LOC128706666: variants seen among roughly 807,000 people sequenced by gnomAD.
At chr20:10,419,486 C>A in the LOC128706666 span, among the ~76,000 whole-genome samples, 1 of 152,066 alleles carries the variant, frequency 6.6e-6, no homozygotes, top group African/African-American at 2.4e-5. Context: ...AGTGACCTCC[C>A]CCATTTATCT....
At chr20:10,419,505 T>C in the LOC128706666 span, among the ~76,000 whole-genome samples, 5 of 152,308 alleles carry the variant, frequency 3.3e-5, no homozygotes, top group African/African-American at 1.2e-4. Context: ...CTATGAGGGA[T>C]ATGTTCCAAG....
At chr20:10,415,099 TA>T in the LOC128706666 span, among the ~76,000 whole-genome samples, 22 of 152,028 alleles carry the variant, frequency 1.4e-4, no homozygotes, top group South Asian at 8.3e-4. Flanking sequence ...GTGTCCTTGC[TA>T]AAAAAAAGTG....
At chr20:10,421,748 C>G in the LOC128706666 span, among the ~76,000 whole-genome samples, 1 of 151,720 alleles carries the variant, frequency 6.6e-6, no homozygotes, top group African/African-American at 2.4e-5. Flanking sequence ...AGACAGTTGC[C>G]TGGAGTTACA....
the LOC128706666 span, among the ~76,000 whole-genome samples, chr20:10,426,701 A>T: frequency 6.6e-6 from 1 of 152,252 alleles, no homozygotes; most frequent in Non-Finnish European, 1.5e-5. Context: ...GCCCCGTGGC[A>T]TGTCCTTGGC....
the LOC128706666 span, among the ~76,000 whole-genome samples, chr20:10,430,350 C>T: frequency 2.6e-5 from 4 of 152,206 alleles, no homozygotes; most frequent in African/African-American, 9.7e-5. Flanking sequence ...GCTTCAGTTC[C>T]ATTGTGTGTA....
the LOC128706666 span, among the ~76,000 whole-genome samples, chr20:10,422,698 A>G: frequency 6.0e-5 from 9 of 150,670 alleles, no homozygotes; most frequent in African/African-American, 2.2e-4. Flanking sequence ...ACATGAGGTT[A>G]TCAAGTTATA....
the LOC128706666 span, among the ~76,000 whole-genome samples, chr20:10,417,864 T>C: frequency 1.6e-4 from 25 of 152,184 alleles, no homozygotes; most frequent in African/African-American, 5.8e-4. Context: ...AAAGAGGAAA[T>C]TGTTAAATGA....
chr20:10,424,286 T>G, the LOC128706666 span, among the ~76,000 whole-genome samples: 1 of 151,968 alleles, frequency 6.6e-6, no homozygotes, highest in African/African-American at 2.4e-5. Context: ...CCAGGCACAG[T>G]GGCTCACACC....
chr20:10,414,776 A>G, the LOC128706666 span, among the ~76,000 whole-genome samples: 5 of 152,212 alleles, frequency 3.3e-5, no homozygotes, highest in African/African-American at 1.2e-4. Context: ...GTCTATATTT[A>G]GCTGAATAAT....
chr20:10,420,469 G>C, the LOC128706666 span: 1 of 152,198 alleles, frequency 6.6e-6, no homozygotes. Context: ...CTAAAAGATT[G>C]AGTTTCCCAT....
chr20:10,433,491 G>A, the LOC128706666 span, among the ~76,000 whole-genome samples: 1 of 152,220 alleles, frequency 6.6e-6, no homozygotes, highest in Admixed American at 6.5e-5. Flanking sequence ...TGGATAAACT[G>A]AAGATGTTAA....
At chr20:10,423,609 AC>A in the LOC128706666 span, among the ~76,000 whole-genome samples, 1 of 152,124 alleles carries the variant, frequency 6.6e-6, no homozygotes, top group Non-Finnish European at 1.5e-5. Context: ...CATAGTATGA[AC>A]CCTCTTTGAG....
the LOC128706666 span, among the ~76,000 whole-genome samples, chr20:10,423,413 T>C: frequency 4.6e-5 from 7 of 152,040 alleles, no homozygotes; most frequent in Non-Finnish European, 1.0e-4. Flanking sequence ...TGAAATGCGA[T>C]CGTTTCAAAA....
At chr20:10,420,049 A>G in the LOC128706666 span, among the ~76,000 whole-genome samples, 1 of 152,182 alleles carries the variant, frequency 6.6e-6, no homozygotes, top group East Asian at 1.9e-4. Flanking sequence ...AATTATGGAT[A>G]AGGGACTATA....
chr20:10,424,817 C>T, the LOC128706666 span, among the ~76,000 whole-genome samples: 2 of 151,618 alleles, frequency 1.3e-5, no homozygotes, highest in Admixed American at 1.3e-4. Flanking sequence ...TTTGGGAGGC[C>T]GAGGCAGGTG....
At chr20:10,433,877 C>G in the LOC128706666 span, among the ~76,000 whole-genome samples, 1 of 152,178 alleles carries the variant, frequency 6.6e-6, no homozygotes, top group East Asian at 1.9e-4. Flanking sequence ...AAGACCTCCT[C>G]GCCGCCCGCA....
chr20:10,422,995 G>A, the LOC128706666 span, among the ~76,000 whole-genome samples: 3 of 152,122 alleles, frequency 2.0e-5, no homozygotes, highest in Non-Finnish European at 4.4e-5. Context: ...ACAGGTGTGA[G>A]CCACTGCGCC....
chr20:10,429,665 G>T, the LOC128706666 span, among the ~76,000 whole-genome samples: 8 of 152,062 alleles, frequency 5.3e-5, no homozygotes, highest in Non-Finnish European at 1.2e-4. Context: ...TTTTCCTCAT[G>T]CTCCTCATCA....
At chr20:10,423,161 G>A in the LOC128706666 span, among the ~76,000 whole-genome samples, 1 of 152,152 alleles carries the variant, frequency 6.6e-6, no homozygotes, top group Admixed American at 6.5e-5. Flanking sequence ...TTAGGGCCAG[G>A]TGCAGTGGCT....
Sources: gnomAD v4.1 joint callset for allele counts (sites outside exome capture counted in the v4.1 genomes callset) on GRCh38, gnomAD v4.1.1 for gene constraint, MANE v1.5 for transcripts.